NMUR2: variants seen among roughly 807,000 people sequenced by gnomAD.
NMUR2 encodes neuromedin-U receptor 2.
A neutral mutation model predicts 25.1 loss-of-function variants in NMUR2; 24 were observed. The ratio of observed to expected loss-of-function variants is 0.96; its 90% CI spans 0.69 to 1.34. The LOEUF (loss-of-function observed/expected upper bound fraction) is 1.34. Ranked by LOEUF, NMUR2 falls within the 40% of genes most tolerant of loss-of-function variation. The probability of loss-of-function intolerance (pLI) is 0.00; values close to 1 mark genes in which losing one functional copy is unlikely to be tolerated. For synonymous variants in NMUR2, 218 were observed against 208.1 expected, an observed-to-expected ratio of 1.05 and a Z score of -0.41; for missense variants, 533 against 512.8, an observed-to-expected ratio of 1.04 and a Z score of -0.38.
At chr5:152,393,319 C>T (rs1009093641) in intron 3 of NMUR2, among the ~76,000 whole-genome samples, 12 of 152,088 alleles carry the variant, frequency 7.9e-5, no homozygotes, top group Admixed American at 2.6e-4. Flanking sequence ...AGTTAAGATA[C>T]CATCCACAGA....
chr5:152,395,583 A>G lies in NMUR2; in HGVS notation c.813T>C (p.Phe271=), dbSNP rs551355179. 2 of 1,613,272 alleles carry G rather than the reference A, an allele frequency of 1.2e-6. No homozygotes were observed. The highest frequency in any genetic ancestry group is 1.3e-5 in the African/African-American group (1 of 74,920). Residue 271 remains phenylalanine, a splice_region_variant and synonymous_variant, in exon 3 of 4, where the codon TTT becomes TTC. Transcript: ENST00000255262. ...PCRKSVNKML[F]VLVLVFAICW... is the part of the protein sequence containing the mutation. ...AGATAGCAAACACTAAGACCAAGAC[A>G]ACTGAAAATGGATGATAAATGGGAG...
At chr5:152,398,872 A>G (rs1321518437) in intron 1 of NMUR2, among the ~76,000 whole-genome samples, 1 of 152,140 alleles carries the variant, frequency 6.6e-6, no homozygotes, top group African/African-American at 2.4e-5. Context: ...TGTGTTTCTG[A>G]GTTAAGATGT....
chr5:152,401,981 T>G (rs1320436505), intron 1 of NMUR2, among the ~76,000 whole-genome samples: 2 of 152,210 alleles, frequency 1.3e-5, no homozygotes, highest in African/African-American at 4.8e-5. Context: ...TTCCAAGTCT[T>G]TGTTTTAAAG....
At chr5:152,393,028 CT>C (rs1030642947) in intron 3 of NMUR2, among the ~76,000 whole-genome samples, 2 of 152,162 alleles carry the variant, frequency 1.3e-5, no homozygotes, top group Admixed American at 6.5e-5. Flanking sequence ...GTTCCTCCAC[CT>C]TTTGAAGAAT....
intron 3 of NMUR2, among the ~76,000 whole-genome samples, 197 bp from the exon 4 acceptor site, chr5:152,392,698 C>T (rs1561695874): frequency 6.6e-6 from 1 of 152,158 alleles, no homozygotes; most frequent in Non-Finnish European, 1.5e-5. Flanking sequence ...CCATCAAACA[C>T]AAAGATTAAA....
At chr5:152,402,334 G>T (rs1342393204) in intron 1 of NMUR2, among the ~76,000 whole-genome samples, 1 of 152,102 alleles carries the variant, frequency 6.6e-6, no homozygotes, top group Non-Finnish European at 1.5e-5. Flanking sequence ...ACAGAATAGG[G>T]CCTACTTTTC....
At chr5:152,398,750 A>G (rs1456037883) in intron 1 of NMUR2, among the ~76,000 whole-genome samples, 1 of 152,164 alleles carries the variant, frequency 6.6e-6, no homozygotes, top group Non-Finnish European at 1.5e-5. Flanking sequence ...ATTTGAGTAA[A>G]CAATATTTTC....
rs201041305 is a variant in NMUR2, at chr5:152,404,557, C to T, written c.557G>A (p.Gly186Asp). The T allele has an allele frequency of 6.2e-7, 1 of 1,614,080 alleles. No individual in the cohort carries two copies. The highest frequency in any genetic ancestry group is 1.3e-5 in the African/African-American group (1 of 75,020). Reference protein sequence around the residue: ...LFSLPNTSIHGIKFHYFPNGS... With the variant: ...LFSLPNTSIHDIKFHYFPNGS... Reference sequence around the variant, plus strand: ...ATTGGGGAAGTAGTGGAACTTGATGCCATGGATGCTGGTGTTGGGCAGGGA... The same window carrying T: ...ATTGGGGAAGTAGTGGAACTTGATGTCATGGATGCTGGTGTTGGGCAGGGA... The change falls in exon 1 of 4, where the codon GGC (glycine) becomes GAC (aspartate). Residue 186 changes from glycine to aspartate, a missense_variant. Transcript: ENST00000255262.
intron 1 of NMUR2, among the ~76,000 whole-genome samples, chr5:152,401,326 G>T (rs1369098098): frequency 2.6e-5 from 4 of 152,158 alleles, no homozygotes; most frequent in African/African-American, 9.7e-5. Flanking sequence ...ACTAAAAATT[G>T]TGATTACCTT....
chr5:152,401,728 ATG>A (rs1753257435), intron 1 of NMUR2, among the ~76,000 whole-genome samples: 1 of 152,136 alleles, frequency 6.6e-6, no homozygotes, highest in African/African-American at 2.4e-5. Flanking sequence ...TATCTCTATA[ATG>A]TTCAAAGCCT....
rs1753130773 is a variant in NMUR2, at chr5:152,395,387, T to A, written c.937+72A>T. 13 of 1,571,020 alleles carry A rather than the reference T, an allele frequency of 8.3e-6. No individual in the cohort carries two copies. The East Asian group carries it at 2.9e-4, about 35-fold the overall frequency. The stretch of plus-strand genomic sequence containing the variant: ...CGTGATAAATTGGAGTACTTAGGCA[T>A]CTAAGCAAGATGAAGAAGAAGGTGC... On this transcript the variant is annotated intron_variant, in intron 3 of 3. Coordinates refer to ENST00000255262, the MANE Select transcript of NMUR2 (RefSeq NM_020167.5).
chr5:152,402,140 T>C (rs994835601), intron 1 of NMUR2, among the ~76,000 whole-genome samples: 2 of 152,052 alleles, frequency 1.3e-5, no homozygotes, highest in Non-Finnish European at 2.9e-5. Context: ...CGGAGAGCCA[T>C]GAGTACCTAC....
chr5:152,399,545 C>T (rs542106093), intron 1 of NMUR2, among the ~76,000 whole-genome samples: 7 of 152,170 alleles, frequency 4.6e-5, no homozygotes, highest in South Asian at 2.1e-4. Flanking sequence ...GAATTACAAA[C>T]GTTATTTTTT....
At chr5:152,393,357 A>C (rs1477197075) in intron 3 of NMUR2, among the ~76,000 whole-genome samples, 1 of 152,202 alleles carries the variant, frequency 6.6e-6, no homozygotes, top group Non-Finnish European at 1.5e-5. Flanking sequence ...AGAATGTAAA[A>C]CAAGTGATGG....
At chr5:152,392,708 A>C (rs1482949430) in intron 3 of NMUR2, among the ~76,000 whole-genome samples, 1 of 152,228 alleles carries the variant, frequency 6.6e-6, no homozygotes, top group East Asian at 1.9e-4. Context: ...CAAAGATTAA[A>C]GAGTCTTGGA....
Position 152,405,212 on chromosome 5 carries a change from A to C in NMUR2, c.-99T>G. 1 of 1,401,426 alleles carries C rather than the reference A, an allele frequency of 7.1e-7. No homozygotes were observed. The highest frequency in any genetic ancestry group is 9.6e-7 in the Non-Finnish European group (1 of 1,044,626). The allele number at this position is 1,401,426 out of a possible 1,614,324, so 86.8% of individuals were successfully genotyped here. A position where few individuals can be genotyped will look rare whatever the true frequency, so the allele number is the denominator to read the frequency against. The stretch of plus-strand genomic sequence containing the variant: ...GAAAAAAGGAAAACAAAAAAGAGAA[A>C]GCAGTCACGAAAGTCACAGGCTTCG... On this transcript the variant is annotated 5_prime_UTR_variant, in exon 1 of 4. Coordinates refer to ENST00000255262, the MANE Select transcript of NMUR2 (RefSeq NM_020167.5).
At chr5:152,394,040 T>C (rs1753107589) in intron 3 of NMUR2, among the ~76,000 whole-genome samples, 1 of 152,004 alleles carries the variant, frequency 6.6e-6, no homozygotes, top group Non-Finnish European at 1.5e-5. Context: ...GTGGCTAATA[T>C]AAAAGGGGGG....
chr5:152,396,320 A>C (rs1753150060), intron 2 of NMUR2, among the ~76,000 whole-genome samples: 1 of 151,820 alleles, frequency 6.6e-6, no homozygotes, highest in African/African-American at 2.4e-5. Flanking sequence ...GCTAGGGGAG[A>C]GATAAGGGTA....
chr5:152,392,516 A>G lies in NMUR2; in HGVS notation c.938-15T>C. 6.3e-7 allele frequency: 1 copy of G among 1,596,732 alleles called. No homozygotes were observed. ...GAAGAAGACACCTGGAATGCAGGGGATTTAAAAAGATGTGCTGAGAAGAAC... is the reference window on the plus strand; with the variant it reads ...GAAGAAGACACCTGGAATGCAGGGGGTTTAAAAAGATGTGCTGAGAAGAAC... On this transcript the variant is annotated splice_polypyrimidine_tract_variant and intron_variant, in intron 3 of 3. Transcript: ENST00000255262.
Sources: allele counts gnomAD v4.1 joint callset (sites outside exome capture counted in the v4.1 genomes callset), GRCh38; gene constraint gnomAD v4.1.1; transcripts MANE v1.5; gene names NCBI Gene and HGNC (gene_info 2026-07-23, HGNC 2026-07-21).